The following KIF21A variants were observed in gnomAD, a reference collection of about 807,000 sequenced individuals.
The protein encoded by KIF21A is kinesin family member 21A, also known as kinesin-like protein KIF21A.
A neutral mutation model predicts 202.9 loss-of-function variants in KIF21A; 114 were observed. The ratio of observed to expected loss-of-function variants is 0.56; its 90% CI spans 0.48 to 0.66. The LOEUF (loss-of-function observed/expected upper bound fraction) is 0.66. KIF21A is among the 30% of genes least tolerant of loss of function. The pLI is 0.00. For missense variants in KIF21A, 1,677 were observed against 1,994.9 expected, an observed-to-expected ratio of 0.84 and a Z score of 3.04; for synonymous variants, 667 against 670.8, an observed-to-expected ratio of 0.99 and a Z score of 0.09.
intron 36 of KIF21A, 67 bp from the exon 37 acceptor site, chr12:39,301,746 TAAACTGAA>T: frequency 7.3e-7 from 1 of 1,366,052 alleles, no homozygotes. Context: ...CACATGAAAA[TAAACTGAA>T]AAACATTTTA....
intron 1 of KIF21A, among the ~76,000 whole-genome samples, chr12:39,394,420 G>C (rs1951586233): frequency 6.6e-6 from 1 of 152,146 alleles, no homozygotes; most frequent in Non-Finnish European, 1.5e-5. Context: ...ACATTGGCTT[G>C]CATTTTTGTT....
chr12:39,311,627 T>G, intron 31 of KIF21A, 74 bp from the exon 32 acceptor site: 1 of 1,521,058 alleles, frequency 6.6e-7, no homozygotes, highest in Non-Finnish European at 9.1e-7. Flanking sequence ...ACTAGTTTTG[T>G]TTTTTTCCCC....
intron 24 of KIF21A, among the ~76,000 whole-genome samples, chr12:39,327,386 A>G (rs937618763): frequency 8.5e-5 from 13 of 152,188 alleles, no homozygotes; most frequent in Non-Finnish European, 5.9e-5. Flanking sequence ...TTTGAAGGCA[A>G]TATGTATCTC....
Position 39,341,007 on chromosome 12 carries a change from C to T in KIF21A, c.2009G>A (p.Arg670Lys). 1 of 1,612,920 alleles carries T rather than the reference C, an allele frequency of 6.2e-7. No individual in the cohort carries two copies. Among genetic ancestry groups the T allele is most frequent in the East Asian group, 2.2e-5 (1 of 44,784 alleles). Residue 670 changes from arginine to lysine, a missense_variant, in exon 15 of 38, where the codon AGA becomes AAA. Arg to Lys is a conservative substitution (Grantham distance 26, BLOSUM62 2). Around this residue, in one of 3 missense-constraint regions of KIF21A, gnomAD observed 966 missense variants for 1,180.9 expected, o/e 0.82. Transcript: ENST00000361418. ...ATACTGCTTTTTCAGAGTCTGCAGTCTTTTCTGGCTGTTTTCTAGTTCATC... is the reference window on the plus strand; with the variant it reads ...ATACTGCTTTTTCAGAGTCTGCAGTTTTTTCTGGCTGTTTTCTAGTTCATC... ...LIDELENSQK[R>K]LQTLKKQYEE...
At chr12:39,294,690 T>C (rs531606233) in intron 37 of KIF21A, among the ~76,000 whole-genome samples, 173 bp from the exon 38 acceptor site, 1 of 152,348 alleles carries the variant, frequency 6.6e-6, no homozygotes, top group Non-Finnish European at 1.5e-5. Context: ...AATAACAGCT[T>C]ATATTATCAA....
intron 1 of KIF21A, among the ~76,000 whole-genome samples, chr12:39,391,012 T>A (rs1425810709): frequency 6.6e-6 from 1 of 152,174 alleles, no homozygotes; most frequent in Admixed American, 6.5e-5. Flanking sequence ...GGTAACAGTA[T>A]GATTATTATA....
At chr12:39,436,448 A>ATATATATATATATATATATT (rs1387332677) in intron 1 of KIF21A, among the ~76,000 whole-genome samples, 32 of 95,750 alleles carry the variant, frequency 3.3e-4, no homozygotes, top group African/African-American at 8.6e-4. Context: ...ATATATATAT[A>ATATATATATATATATATATT]TTTTTTTTTT....
At chr12:39,379,229 A>G (rs1025259002) in intron 1 of KIF21A, among the ~76,000 whole-genome samples, 2 of 151,728 alleles carry the variant, frequency 1.3e-5, no homozygotes, top group Admixed American at 6.6e-5. Flanking sequence ...ACTCAGGACA[A>G]TCGCTTGAGA....
At chr12:39,417,722 G>A (rs370652582) in intron 1 of KIF21A, among the ~76,000 whole-genome samples, 1 of 151,978 alleles carries the variant, frequency 6.6e-6, no homozygotes, top group Admixed American at 6.6e-5. Context: ...ATTATATTCG[G>A]TCAGGTATTG....
chr12:39,376,232 T>C lies in KIF21A; in HGVS notation c.45-5971A>G, dbSNP rs376222687. ...TTACAGATATACACACATACATTGT[T>C]ATGCAAAGATAATAAAGCTGGATAT... On this transcript the variant is annotated intron_variant, in intron 1 of 37. Transcript: ENST00000361418. Among the ~76,000 whole-genome samples the C allele has an allele frequency of 3.9e-5, 6 of 152,290 alleles. No individual in the cohort carries two copies. In the East Asian group the frequency reaches 5.8e-4, roughly 15 times the overall value.
Position 39,436,636 on chromosome 12 carries a change from CA to C in KIF21A, c.44+6290del, listed in dbSNP as rs113310174. Among the ~76,000 whole-genome samples the C allele has an allele frequency of 6.2e-3, 529 of 85,074 alleles. 2 individuals are homozygous for C. Among genetic ancestry groups the C allele is most frequent in the Middle Eastern group, 7.7e-3 (1 of 130 alleles). The allele number at this position is 85,074 out of a possible 152,430, so 55.8% of individuals were successfully genotyped here. ...CAGCTTTAAACATTTTTAATAATTG[CA>C]AAAAAAAAAAAAAAAGAACAAGGTA... On this transcript the variant is annotated intron_variant, in intron 1 of 37. Coordinates refer to ENST00000361418, the MANE Select transcript of KIF21A (RefSeq NM_001173464.2).
chr12:39,434,200 C>T (rs542036817), intron 1 of KIF21A, among the ~76,000 whole-genome samples: 7 of 152,192 alleles, frequency 4.6e-5, no homozygotes, highest in Admixed American at 6.5e-5. Context: ...CATCCTAAGG[C>T]GGAAGGCAGA....
chr12:39,433,183 AACT>A (rs1409674896), intron 1 of KIF21A, among the ~76,000 whole-genome samples: 2 of 152,124 alleles, frequency 1.3e-5, no homozygotes, highest in Non-Finnish European at 2.9e-5. Context: ...TGGAATTATA[AACT>A]GATTTTGAGA....
intron 1 of KIF21A, among the ~76,000 whole-genome samples, chr12:39,430,868 A>C (rs992487106): frequency 6.6e-6 from 1 of 152,150 alleles, no homozygotes; most frequent in Admixed American, 6.5e-5. Context: ...AAGAAGAAGA[A>C]GACTTGAGCA....
chr12:39,436,449 T>TATATATATATATA (rs1491365902), intron 1 of KIF21A, among the ~76,000 whole-genome samples: 25 of 86,796 alleles, frequency 2.9e-4, no homozygotes, highest in African/African-American at 1.0e-3. Flanking sequence ...TATATATATA[T>TATATATATATATA]TTTTTTTTTT....
chr12:39,419,794 C>T (rs1954088918), intron 1 of KIF21A, among the ~76,000 whole-genome samples: 1 of 152,142 alleles, frequency 6.6e-6, no homozygotes, highest in African/African-American at 2.4e-5. Flanking sequence ...TAGAATACCT[C>T]TCCTGTGTCA....
At chr12:39,294,746 T>C in intron 37 of KIF21A, among the ~76,000 whole-genome samples, 1 of 152,238 alleles carries the variant, frequency 6.6e-6, no homozygotes. Context: ...CCTTTACATA[T>C]GTTAACACAC....
chr12:39,377,973 T>C (rs1592425596), intron 1 of KIF21A, among the ~76,000 whole-genome samples: 1 of 152,346 alleles, frequency 6.6e-6, no homozygotes, highest in African/African-American at 2.4e-5. Flanking sequence ...ATGAAGTTTA[T>C]TCTTAATAAA....
chr12:39,443,001 G>T lies in KIF21A; in HGVS notation c.-31C>A. The T allele has an allele frequency of 2.0e-6, 3 of 1,515,476 alleles. No homozygotes were observed. The highest frequency in any genetic ancestry group is 2.6e-6 in the Non-Finnish European group (3 of 1,139,128). 93.9% of individuals were successfully genotyped at this position (1,515,476 alleles called of 1,614,324 possible). A position where few individuals can be genotyped will look rare whatever the true frequency, so the allele number is the denominator to read the frequency against. On this transcript the variant is annotated 5_prime_UTR_variant, in exon 1 of 38. Coordinates refer to ENST00000361418, the MANE Select transcript of KIF21A (RefSeq NM_001173464.2). ...CGGCGGGCAGCGATCGAGCCGTTGG[G>T]CCTCGGCACCGCAGAGCTGAGGCGC...
Sources: gnomAD v4.1 joint callset for allele counts (sites outside exome capture counted in the v4.1 genomes callset) on GRCh38, gnomAD v4.1.1 for gene constraint, gnomAD v4.1.1 regional missense constraint, MANE v1.5 for transcripts, NCBI Gene and HGNC (gene_info 2026-07-23, HGNC 2026-07-21) for gene names.